Variants in PLCD1 observed in about 807,000 individuals in gnomAD.
PLCD1 encodes the protein 1-phosphatidylinositol 4,5-bisphosphate phosphodiesterase delta-1.
A neutral mutation model predicts 87.4 loss-of-function variants in PLCD1; 71 were observed. The ratio of observed to expected loss-of-function variants is 0.81; its 90% CI spans 0.67 to 0.99. The LOEUF (loss-of-function observed/expected upper bound fraction) is 0.99, where lower values mean the gene tolerates loss of function less well. Among genes scored for constraint, PLCD1 ranks in the 50% least tolerant of loss-of-function variants. The pLI, the probability that PLCD1 is intolerant of heterozygous loss-of-function variation, is 0.00. For synonymous variants in PLCD1, 348 were observed against 399.2 expected, an observed-to-expected ratio of 0.87 and a Z score of 1.53; for missense variants, 867 against 1,001.5, an observed-to-expected ratio of 0.87 and a Z score of 1.81.
At chr3:38,024,385 G>C in intron 1 of PLCD1, 2 of 1,612,946 alleles carry the variant, frequency 1.2e-6, no homozygotes, top group Admixed American at 3.3e-5. Flanking sequence ...CGCTCCTGCA[G>C]GTAGAGCTCC....
In PLCD1 at chr3:38,018,286, G is replaced by A. The variant is rs566041010; in HGVS notation, c.200-1567C>T. Among the ~76,000 whole-genome samples the A allele has an allele frequency of 2.0e-3, 307 of 152,230 alleles. 1 individual carries two copies. The highest frequency in any genetic ancestry group is 3.5e-3 in the Non-Finnish European group (236 of 68,016). On this transcript the variant is annotated intron_variant, in intron 2 of 14. Coordinates refer to ENST00000334661, the MANE Select transcript of PLCD1 (RefSeq NM_006225.4). The surrounding 1 kb of genome is among the most constrained non-coding windows in gnomAD (Gnocchi z 5.7). ...ACAAAGCAGGCTCAGCACGAGACCC[G>A]TCTCAGGCGTCTGACCAGCAGAAAG...
chr3:38,008,926 C>T lies in PLCD1; in HGVS notation c.1723+116G>A, dbSNP rs948078649. The T allele has an allele frequency of 3.7e-6, 3 of 819,586 alleles. No individual in the cohort carries two copies. The African/African-American group carries it at 5.1e-5, about 14-fold the overall frequency. 50.8% of individuals were successfully genotyped at this position (819,586 alleles called of 1,614,324 possible). A position where few individuals can be genotyped will look rare whatever the true frequency, so the allele number is the denominator to read the frequency against. ...ATATTACCAGCTCCACAAGCCCCTG[C>T]ATTTGACCCTGCTTGGGTCCTCAGA... On this transcript the variant is annotated intron_variant, in intron 11 of 14. Transcript: ENST00000334661.
rs1031943767 is a variant in PLCD1, at chr3:38,018,843, G to C, written c.199+1345C>G. 3.9e-5 allele frequency: 6 copies of C among 152,192 alleles called. No homozygotes were observed. The highest frequency in any genetic ancestry group is 7.3e-5 in the Non-Finnish European group (5 of 68,104). The allele number at this position is 152,192 out of a possible 1,614,324, so 9.4% of individuals were successfully genotyped here. On this transcript the variant is annotated intron_variant, in intron 2 of 14. Transcript: ENST00000334661. The surrounding 1 kb of genome is among the most constrained non-coding windows in gnomAD (Gnocchi z 5.7). ...AGCAGGCTGAGCTGGGGCTCCGTGTGGTTTCCTCAGAATGTTCTGGAGCCC... is the reference window on the plus strand; with the variant it reads ...AGCAGGCTGAGCTGGGGCTCCGTGTCGTTTCCTCAGAATGTTCTGGAGCCC...
At chr3:38,011,485 T>C in intron 4 of PLCD1, 40 bp from the exon 5 acceptor site, 1 of 1,613,944 alleles carries the variant, frequency 6.2e-7, no homozygotes, top group Non-Finnish European at 8.5e-7. Flanking sequence ...AGAGCAGGCC[T>C]TGGGCCGGGG....
chr3:38,008,710 A>G (rs553139660), intron 11 of PLCD1, 74 bp from the exon 12 acceptor site: 3 of 1,344,108 alleles, frequency 2.2e-6, no homozygotes, highest in Non-Finnish European at 3.2e-6. Flanking sequence ...CTCAGGGTAC[A>G]CTAAGGCCTA....
intron 1 of PLCD1, chr3:38,024,299 A>G (rs1700275655): frequency 6.3e-7 from 1 of 1,580,676 alleles, no homozygotes; most frequent in South Asian, 1.1e-5. Context: ...CTGCCTTCCC[A>G]TTCCCCCGCA....
At position 38,009,192 on chromosome 3, in the gene PLCD1, G is replaced by T. The variant is rs73825460; in HGVS notation, c.1607-34C>A. 1,638 of 1,611,770 alleles carry T rather than the reference G, an allele frequency of 1.0e-3. 15 individuals are homozygous for T. In the African/African-American group the frequency reaches 0.02, roughly 20 times the overall value. On this transcript the variant is annotated intron_variant, in intron 10 of 14. Coordinates refer to ENST00000334661, the MANE Select transcript of PLCD1 (RefSeq NM_006225.4). ...AGGTGTGGTTCGGTCAGCAGTGGAG[G>T]CCTCCTGGTGAGGCCCAAGCCCTGC...
chr3:38,024,783 A>G, intron 1 of PLCD1: 1 of 1,274,972 alleles, frequency 7.8e-7, no homozygotes, highest in Non-Finnish European at 1.0e-6. Flanking sequence ...GCGGGACGAG[A>G]AGAAAATCTG....
rs1221929204 is a variant in PLCD1 at position 38,018,404 on chromosome 3, C to T, written c.200-1685G>A. On this transcript the variant is annotated intron_variant, in intron 2 of 14. Coordinates refer to ENST00000334661, the MANE Select transcript of PLCD1 (RefSeq NM_006225.4). The surrounding 1 kb of genome is among the most constrained non-coding windows in gnomAD (Gnocchi z 5.7). ...CCCCTCCTCCTGGCAGGACGCAGCCCCTCAGCCTCCCACTCATGCCTGTTC... is the reference window on the plus strand; with the variant it reads ...CCCCTCCTCCTGGCAGGACGCAGCCTCTCAGCCTCCCACTCATGCCTGTTC... 6.6e-6 allele frequency among the ~76,000 whole-genome samples: 1 copy of T among 152,128 alleles called. No individual in the cohort carries two copies. Among genetic ancestry groups the T allele is most frequent in the Non-Finnish European group, 1.5e-5 (1 of 68,018 alleles).
intron 1 of PLCD1, among the ~76,000 whole-genome samples, chr3:38,021,382 A>C (rs1700231249): frequency 6.6e-6 from 1 of 151,940 alleles, no homozygotes; most frequent in East Asian, 1.9e-4. Flanking sequence ...AGAGAGAGGA[A>C]CCTGGCTGCT....
chr3:38,024,358 C>A, intron 1 of PLCD1: 1 of 1,612,992 alleles, frequency 6.2e-7, no homozygotes, highest in Non-Finnish European at 8.5e-7. Context: ...CCATTGAGCG[C>A]CGCCACCTTA....
At chr3:38,028,464 G>A (rs1700329979) in intron 1 of PLCD1, among the ~76,000 whole-genome samples, 1 of 152,158 alleles carries the variant, frequency 6.6e-6, no homozygotes, top group Non-Finnish European at 1.5e-5. Context: ...AAATTCCAGG[G>A]GGACTCTAGT....
In PLCD1 at chr3:38,018,795, C is replaced by T. The variant is rs111994313; in HGVS notation, c.199+1393G>A. 5.9e-5 allele frequency among the ~76,000 whole-genome samples: 9 copies of T among 152,276 alleles called. No individual in the cohort carries two copies. Among genetic ancestry groups the T allele is most frequent in the African/African-American group, 1.7e-4 (7 of 41,556 alleles). ...CTGGCGCCACAGAGAAAAGGTCAGG[C>T]GGTCACTCCTGTACAGTGTGGCAGC... is the stretch of plus-strand genomic sequence containing the variant. On this transcript the variant is annotated intron_variant, in intron 2 of 14. Transcript: ENST00000334661. This position sits in a 1 kb window ranked among gnomAD's most constrained non-coding sequence, Gnocchi z 5.7.
At chr3:38,020,149 C>T in intron 2 of PLCD1, 39 bp downstream of exon 2, 1 of 1,587,144 alleles carries the variant, frequency 6.3e-7, no homozygotes, top group Non-Finnish European at 8.6e-7. Flanking sequence ...GAGCAGATTC[C>T]ACACTCTATC....
At chr3:38,026,279 G>A (rs1232862318) in intron 1 of PLCD1, among the ~76,000 whole-genome samples, 1 of 152,222 alleles carries the variant, frequency 6.6e-6, no homozygotes, top group East Asian at 1.9e-4. Context: ...AGCACTTTGG[G>A]AGGCCAAGGT....
At chr3:38,024,756 G>C (rs181800582) in intron 1 of PLCD1, 443 of 1,347,160 alleles carry the variant, frequency 3.3e-4, no homozygotes, top group Non-Finnish European at 4.2e-4. Context: ...TGAGTGGGGG[G>C]AGTCAGAATA....
At chr3:38,029,080 C>CA (rs1321023008) in intron 1 of PLCD1, among the ~76,000 whole-genome samples, 19 of 152,284 alleles carry the variant, frequency 1.2e-4, no homozygotes, top group Admixed American at 1.2e-3. Flanking sequence ...GCGGTCCAGG[C>CA]ACGCCCAGGC....
chr3:38,015,144 G>A (rs575180927), intron 3 of PLCD1, among the ~76,000 whole-genome samples: 1 of 152,318 alleles, frequency 6.6e-6, no homozygotes, highest in African/African-American at 2.4e-5. Context: ...ATACACGAAT[G>A]TTAATATCAG....
In PLCD1 at chr3:38,011,368, C is replaced by T. The variant is rs1422182585; in HGVS notation, c.636G>A (p.Val212=). 9.3e-6 allele frequency: 15 copies of T among 1,613,302 alleles called. No individual in the cohort carries two copies. The highest frequency in any genetic ancestry group is 3.8e-4 in the Middle Eastern group (2 of 5,286). ...CCTCGGCGAAGGTGCGGTCGATCTC[C>T]ACCCGCTGGGTCAGCATCTTGTAGA... The part of the protein sequence containing the change: ...EAFYKMLTQR[V]EIDRTFAEAA... The change falls in exon 5 of 15, where the codon GTG becomes GTA. Residue 212 remains valine, a synonymous_variant. Coordinates refer to ENST00000334661, the MANE Select transcript of PLCD1 (RefSeq NM_006225.4).
Sources: gnomAD v4.1 joint callset for allele counts (sites outside exome capture counted in the v4.1 genomes callset) on GRCh38, gnomAD v4.1.1 for gene constraint, Gnocchi (gnomAD v3.1) non-coding constraint, MANE v1.5 for transcripts, NCBI Gene and HGNC (gene_info 2026-07-23, HGNC 2026-07-21) for gene names.